Variants in HDLBP observed in about 807,000 individuals in gnomAD.
The protein encoded by HDLBP is vigilin.
A neutral mutation model predicts 137.3 loss-of-function variants in HDLBP; 30 were observed. The observed-to-expected ratio is 0.22, with a 90% CI of 0.16 to 0.30. HDLBP has a LOEUF of 0.30. Among genes scored for constraint, HDLBP ranks in the 10% least tolerant of loss-of-function variants. The pLI is 1.00. For missense variants in HDLBP, 1,119 were observed against 1,667.3 expected (o/e 0.67, Z 5.73); for synonymous variants, 606 against 596.0 (o/e 1.02, Z -0.24).
In HDLBP at chr2:241,240,696, T is replaced by C. The variant is rs1383146566; in HGVS notation, c.2170-574A>G. On this transcript the variant is annotated intron_variant, in intron 17 of 27. Transcript: ENST00000310931. This position sits in a 1 kb window ranked among gnomAD's most constrained non-coding sequence, Gnocchi z 5.5. ...CAGAGGGACACAAGCCAACCAAGGC[T>C]ACAGTTAGAGACCGGTCCTCAGAGG... Among the ~76,000 whole-genome samples the C allele has an allele frequency of 2.0e-5, 3 of 151,804 alleles. 1 individual carries two copies. Among genetic ancestry groups the C allele is most frequent in the Non-Finnish European group, 4.4e-5 (3 of 67,978 alleles).
rs139519756 is a variant in HDLBP, at chr2:241,295,487, A to T, written c.-103+20083T>A. Among the ~76,000 whole-genome samples, 226 of 152,256 alleles carry T rather than the reference A, an allele frequency of 1.5e-3. 6 individuals carry two copies. The East Asian group carries it at 0.039, about 26-fold the overall frequency. Reference sequence around the variant, plus strand: ...CAAAACAAAAATTTTACACACACACATATACACGAGAAGCCTGAATCATGG... The same window carrying T: ...CAAAACAAAAATTTTACACACACACTTATACACGAGAAGCCTGAATCATGG... On this transcript the variant is annotated intron_variant, in intron 1 of 27. Coordinates refer to ENST00000310931, the MANE Select transcript of HDLBP (RefSeq NM_005336.6).
At chr2:241,296,855 G>A (rs1221926629) in intron 1 of HDLBP, among the ~76,000 whole-genome samples, 1 of 152,230 alleles carries the variant, frequency 6.6e-6, no homozygotes, top group Non-Finnish European at 1.5e-5. Context: ...CTCTCCAGAA[G>A]TGCCTGCAAA....
rs532904748 is a variant in HDLBP at position 241,244,070 on chromosome 2, T to C, written c.1951-1392A>G. ...CAGAAGATACTAATTCAGAGTGAACTTCTAGGGAAGAAAACAACATCTAAA... is the reference window on the plus strand; with the variant it reads ...CAGAAGATACTAATTCAGAGTGAACCTCTAGGGAAGAAAACAACATCTAAA... On this transcript the variant is annotated intron_variant, in intron 16 of 27. Coordinates refer to ENST00000310931, the MANE Select transcript of HDLBP (RefSeq NM_005336.6). Among the ~76,000 whole-genome samples the C allele has an allele frequency of 2.6e-5, 4 of 152,238 alleles. No individual in the cohort carries two copies. The South Asian group carries it at 8.3e-4, about 32-fold the overall frequency.
At chr2:241,255,980 G>A (rs764710571) in intron 7 of HDLBP, among the ~76,000 whole-genome samples, 112 of 152,214 alleles carry the variant, frequency 7.4e-4, no homozygotes, top group Non-Finnish European at 5.4e-4. Context: ...GGCCCAGGAC[G>A]GCAAGGACAA....
chr2:241,249,881 T>TG lies in HDLBP; in HGVS notation c.1471dup (p.Gln491ProfsTer17), dbSNP rs1425497361. ...CTCCAGCAGCTCTCGCTTGGCCTGC[T>TG]GCACGCCCTGTGGGTCCCCCTCGAT... On this transcript the variant is annotated frameshift_variant, in exon 12 of 28. Coordinates refer to ENST00000310931, the MANE Select transcript of HDLBP (RefSeq NM_005336.6). LOFTEE classifies it high-confidence loss of function. The TG allele has an allele frequency of 6.2e-7, 1 of 1,613,730 alleles. No homozygotes were observed. The highest frequency in any genetic ancestry group is 8.5e-7 in the Non-Finnish European group (1 of 1,179,842).
chr2:241,313,723 C>T (rs562027350), intron 1 of HDLBP, among the ~76,000 whole-genome samples: 1 of 152,268 alleles, frequency 6.6e-6, no homozygotes, highest in Admixed American at 6.5e-5. Flanking sequence ...AACAACAAAA[C>T]CTGGAAAAAT....
intron 1 of HDLBP, among the ~76,000 whole-genome samples, chr2:241,300,867 T>C (rs1041432219): frequency 1.3e-5 from 2 of 152,140 alleles, no homozygotes; most frequent in Non-Finnish European, 2.9e-5. Context: ...GCTCCAAGCA[T>C]GAGCAATTAG....
At chr2:241,255,728 C>G (rs994549016) in intron 7 of HDLBP, 148 bp from the exon 8 acceptor site, 15 of 652,350 alleles carry the variant, frequency 2.3e-5, no homozygotes, top group Non-Finnish European at 3.8e-5. Flanking sequence ...TCAGGACTAG[C>G]CAATCCCCAG....
intron 20 of HDLBP, among the ~76,000 whole-genome samples, chr2:241,236,983 G>C (rs78770715): frequency 0.054 from 5,818 of 107,308 alleles, 157 homozygotes; most frequent in Non-Finnish European, 0.078. Context: ...ACCTTGGGGG[G>C]GGGGGGGGGG....
intron 5 of HDLBP, among the ~76,000 whole-genome samples, chr2:241,259,755 G>C (rs555511929): frequency 6.6e-6 from 1 of 152,228 alleles, no homozygotes; most frequent in East Asian, 1.9e-4. Flanking sequence ...GATTACAGGC[G>C]TGAGAGTCAC....
At chr2:241,307,941 C>T (rs990852889) in intron 1 of HDLBP, among the ~76,000 whole-genome samples, 3 of 151,568 alleles carry the variant, frequency 2.0e-5, no homozygotes, top group African/African-American at 4.9e-5. Context: ...TGGGCCTCTA[C>T]CCCCACAGGA....
intron 12 of HDLBP, chr2:241,249,415 A>G: frequency 2.1e-6 from 1 of 476,250 alleles, no homozygotes; most frequent in Non-Finnish European, 4.3e-6. Context: ...GGGAGCCCAG[A>G]GCAGTGCAGT....
At chr2:241,249,264 G>C (rs1243043529) in intron 12 of HDLBP, 1 of 467,904 alleles carries the variant, frequency 2.1e-6, no homozygotes, top group Admixed American at 2.4e-5. Context: ...CACACAGTCA[G>C]GCCAAAGTGC....
chr2:241,245,302 A>G (rs1315456819), intron 16 of HDLBP, among the ~76,000 whole-genome samples: 1 of 150,768 alleles, frequency 6.6e-6, no homozygotes, highest in Admixed American at 6.6e-5. Context: ...TCTCACCTCA[A>G]CCTCCTGAGT....
intron 1 of HDLBP, among the ~76,000 whole-genome samples, chr2:241,313,263 G>C (rs2075806118): frequency 6.6e-6 from 1 of 152,146 alleles, no homozygotes; most frequent in Admixed American, 6.5e-5. Context: ...CTGAGGAAAA[G>C]AAAAGTCTAT....
At chr2:241,286,539 T>C (rs913108962) in intron 1 of HDLBP, among the ~76,000 whole-genome samples, 1 of 152,186 alleles carries the variant, frequency 6.6e-6, no homozygotes, top group Non-Finnish European at 1.5e-5. Flanking sequence ...CCATCCTGCC[T>C]CTCCAGACCG....
At position 241,239,919 on chromosome 2, in the gene HDLBP, C is replaced by T. The variant is rs775387750; in HGVS notation, c.2373G>A (p.Glu791=). 6.2e-7 allele frequency: 1 copy of T among 1,614,074 alleles called. No homozygotes were observed. The highest frequency in any genetic ancestry group is 1.7e-5 in the Admixed American group (1 of 59,998). The change falls in exon 18 of 28, where the codon GAG becomes GAA. Residue 791 remains glutamate (E), a synonymous_variant. Transcript: ENST00000310931. This position sits in a 1 kb window ranked among gnomAD's most constrained non-coding sequence, Gnocchi z 4.6. ...TCCCTACCAGGTTTTGGATCAAGGC[C>T]TCCAGCTCCTTCTGTGCCTCTCGGA... ...DAVREAQKEL[E]ALIQNLDNVV... is the part of the protein sequence containing the mutation.
intron 1 of HDLBP, among the ~76,000 whole-genome samples, chr2:241,291,020 T>C (rs555696423): frequency 2.8e-4 from 42 of 152,216 alleles, no homozygotes; most frequent in Non-Finnish European, 5.0e-4. Flanking sequence ...TGCTAAGTGT[T>C]TGTGAGACTT....
At chr2:241,295,992 C>A (rs995192968) in intron 1 of HDLBP, among the ~76,000 whole-genome samples, 1 of 151,504 alleles carries the variant, frequency 6.6e-6, no homozygotes, top group East Asian at 1.9e-4. Flanking sequence ...TAATTTGTTA[C>A]GGCAGCCCTG....
Sources: allele counts gnomAD v4.1 joint callset (sites outside exome capture counted in the v4.1 genomes callset), GRCh38; gene constraint gnomAD v4.1.1; non-coding constraint Gnocchi (gnomAD v3.1); transcripts MANE v1.5; gene names NCBI Gene and HGNC (gene_info 2026-07-23, HGNC 2026-07-21).